Variants in RASGRP2 observed in about 807,000 individuals in gnomAD.
RASGRP2 encodes the protein RAS guanyl-releasing protein 2.
RASGRP2 carries 44 observed loss-of-function variants against 71.0 expected under a neutral mutation model. The observed-to-expected ratio is 0.62, with a 90% CI of 0.49 to 0.80. The LOEUF (loss-of-function observed/expected upper bound fraction) is 0.80, where lower values mean the gene tolerates loss of function less well. Among genes scored for constraint, RASGRP2 ranks in the 30% least tolerant of loss-of-function variants. The pLI is 0.00. For synonymous variants in RASGRP2, 350 were observed against 330.7 expected (o/e 1.06, Z -0.63); for missense variants, 663 against 813.4 (o/e 0.82, Z 2.25).
chr11:64,742,249 C>T lies in RASGRP2; in HGVS notation c.74-137G>A. ...GCCCACCTCCTGCTTGCCCAGGACT[C>T]CGAGAGCAGGAGGCAAATTAGAGAG... On this transcript the variant is annotated intron_variant, in intron 2 of 16. Transcript: ENST00000394432. This position sits in a 1 kb window ranked among gnomAD's most constrained non-coding sequence, Gnocchi z 4.7. 1 of 730,408 alleles carries T rather than the reference C, an allele frequency of 1.4e-6. No homozygotes were observed. Among genetic ancestry groups the T allele is most frequent in the Non-Finnish European group, 2.5e-6 (1 of 403,584 alleles). The allele number at this position is 730,408 out of a possible 1,614,324, so 45.2% of individuals were successfully genotyped here.
chr11:64,737,911 T>C (rs1425975516), intron 8 of RASGRP2, among the ~76,000 whole-genome samples: 3 of 151,462 alleles, frequency 2.0e-5, no homozygotes, highest in Non-Finnish European at 4.4e-5. Context: ...CCAGACGTGG[T>C]GGTACGAGCC....
chr11:64,729,787 G>C lies in RASGRP2; in HGVS notation c.1566C>G (p.Ile522Met). The C allele has an allele frequency of 6.2e-7, 1 of 1,614,178 alleles. No homozygotes were observed. ...CRHCKALILGIYKQGLKCRAC... is the reference protein window; with the variant it reads ...CRHCKALILGMYKQGLKCRAC... ...CTCGGCATTTGAGGCCCTGCTTGTA[G>C]ATGCCCAGGATCTGCAATAGAGGAG... Residue 522 changes from isoleucine (I) to methionine (M), a missense_variant, in exon 14 of 17, where the codon ATC (isoleucine) becomes ATG (methionine). By Grantham distance (10) the Ile-to-Met change is conservative (BLOSUM62 1). Transcript: ENST00000394432.
intron 9 of RASGRP2, 69 bp downstream of exon 9, chr11:64,736,684 A>G: frequency 6.6e-7 from 1 of 1,510,670 alleles, no homozygotes; most frequent in Non-Finnish European, 8.9e-7. Flanking sequence ...CCACGCCCAC[A>G]GCCAGGACCT....
chr11:64,740,663 G>A, intron 5 of RASGRP2: 1 of 650,702 alleles, frequency 1.5e-6, no homozygotes, highest in East Asian at 2.7e-5. Flanking sequence ...GGGATGATAT[G>A]AGCAGAGCAC....
intron 12 of RASGRP2, 77 bp from the exon 13 acceptor site, chr11:64,730,271 TTC>T: frequency 6.5e-7 from 1 of 1,527,022 alleles, no homozygotes; most frequent in South Asian, 1.2e-5. Context: ...CATCCCACTG[TTC>T]CCAGTGTCCT....
chr11:64,735,059 C>G lies in RASGRP2; in HGVS notation c.1412+53G>C. ...TGCACACAAGAAACTGAAGCCCAGG[C>G]AGAAGTGGGCTGAGTTGCCTTCCCT... On this transcript the variant is annotated intron_variant, in intron 12 of 16. Transcript: ENST00000394432. This position sits in a 1 kb window ranked among gnomAD's most constrained non-coding sequence, Gnocchi z 4.2. The G allele has an allele frequency of 5.2e-6, 7 of 1,344,072 alleles. No homozygotes were observed. The highest frequency in any genetic ancestry group is 7.5e-6 in the Non-Finnish European group (7 of 933,754). The allele number at this position is 1,344,072 out of a possible 1,614,324, so 83.3% of individuals were successfully genotyped here.
chr11:64,741,890 A>T (rs1250629043), intron 3 of RASGRP2, 120 bp downstream of exon 3: 1 of 883,214 alleles, frequency 1.1e-6, no homozygotes, highest in Non-Finnish European at 1.9e-6. Context: ...ACGACGCCTG[A>T]GCTCTGGGAT....
intron 8 of RASGRP2, among the ~76,000 whole-genome samples, chr11:64,737,550 T>C (rs1565512039): frequency 6.6e-6 from 1 of 151,838 alleles, no homozygotes; most frequent in Non-Finnish European, 1.5e-5. Context: ...TGCATGCCTG[T>C]AGTCCCAGCT....
At position 64,739,822 on chromosome 11, in the gene RASGRP2, G is replaced by A. The variant is rs1429211561; in HGVS notation, c.523-13C>T. The A allele has an allele frequency of 3.1e-6, 5 of 1,613,486 alleles. No homozygotes were observed. The highest frequency in any genetic ancestry group is 3.3e-5 in the Admixed American group (2 of 60,018). On this transcript the variant is annotated splice_polypyrimidine_tract_variant and intron_variant, in intron 6 of 16. Transcript: ENST00000394432. The surrounding 1 kb of genome is among the most constrained non-coding windows in gnomAD (Gnocchi z 4.2). ...GATAGTCCTGAAACTGGGGGCATGA[G>A]GAGTGGCCTCAGCACCTTGCTGGCC...
chr11:64,727,506 ATTTTTTTTTT>A, intron 15 of RASGRP2, 146 bp from the exon 16 acceptor site: 1 of 322,900 alleles, frequency 3.1e-6, no homozygotes, highest in Non-Finnish European at 5.5e-6. Flanking sequence ...TCACAGCCCA[ATTTTTTTTTT>A]TTTTTTTTTT....
rs1360880248 is a variant in RASGRP2 at position 64,742,425 on chromosome 11, G to A, written c.74-313C>T. 7.1e-6 allele frequency: 4 copies of A among 562,078 alleles called. No homozygotes were observed. The highest frequency in any genetic ancestry group is 9.6e-6 in the Non-Finnish European group (3 of 312,528). The allele number at this position is 562,078 out of a possible 1,614,324, so 34.8% of individuals were successfully genotyped here. On this transcript the variant is annotated intron_variant, in intron 2 of 16. Transcript: ENST00000394432. This position sits in a 1 kb window ranked among gnomAD's most constrained non-coding sequence, Gnocchi z 4.7. ...TCCAGAGGTCATTTCCTGAGCGCTT[G>A]GGGGGAAGGGGCACCCCTTCACCAG...
At chr11:64,730,757 G>A (rs146355768) in intron 12 of RASGRP2, among the ~76,000 whole-genome samples, 2 of 152,308 alleles carry the variant, frequency 1.3e-5, no homozygotes, top group Non-Finnish European at 2.9e-5. Flanking sequence ...AGTTCAAATC[G>A]CAGCTCTACT....
At position 64,739,270 on chromosome 11, in the gene RASGRP2, G is replaced by A. The variant is rs555145569; in HGVS notation, c.813+90C>T. ...GCCTCCATTTCCATATCTATCAAATGAGGACAGCTGTGCCCAGCCCCCAGT... is the reference window on the plus strand; with the variant it reads ...GCCTCCATTTCCATATCTATCAAATAAGGACAGCTGTGCCCAGCCCCCAGT... On this transcript the variant is annotated intron_variant, in intron 8 of 16. Coordinates refer to ENST00000394432, the MANE Select transcript of RASGRP2 (RefSeq NM_001098671.2). The surrounding 1 kb of genome is among the most constrained non-coding windows in gnomAD (Gnocchi z 4.2). The A allele has an allele frequency of 1.4e-4, 142 of 992,760 alleles. No individual in the cohort carries two copies. The African/African-American group carries it at 2.1e-3, about 15-fold the overall frequency. The allele number at this position is 992,760 out of a possible 1,614,324, so 61.5% of individuals were successfully genotyped here.
At chr11:64,740,825 T>C (rs757172374) in intron 5 of RASGRP2, 123 bp downstream of exon 5, 3 of 1,315,354 alleles carry the variant, frequency 2.3e-6, no homozygotes, top group Non-Finnish European at 2.2e-6. Flanking sequence ...TAGGGAGCCA[T>C]GGAAGGTTTT....
upstream of RASGRP2, chr11:64,744,952 A>C (rs1592399719): frequency 3.1e-5 from 3 of 97,356 alleles, no homozygotes; most frequent in African/African-American, 1.2e-4. Flanking sequence ...CGCCACCCCC[A>C]CCGGGGGCTC....
Position 64,741,006 on chromosome 11 carries a change from C to G in RASGRP2, c.313G>C (p.Ala105Pro), listed in dbSNP as rs1334255712. The G allele has an allele frequency of 6.2e-7, 1 of 1,613,750 alleles. No individual in the cohort carries two copies. Among genetic ancestry groups the G allele is most frequent in the Non-Finnish European group, 8.5e-7 (1 of 1,180,012 alleles). ...CGGTTCCCTTCTTGGTCTAGCAGAG[C>G]CTTCAGCTCCTTGATCTGCTCAGCC... ...ELAEQIKELK[A>P]LLDQEGNRRH... Residue 105 changes from alanine to proline, a missense_variant, in exon 5 of 17, where the codon GCT (alanine) becomes CCT (proline). Physicochemically the swap from Ala to Pro is conservative, Grantham distance 27. Transcript: ENST00000394432.
intron 12 of RASGRP2, among the ~76,000 whole-genome samples, chr11:64,733,144 T>TA (rs2057815863): frequency 6.7e-6 from 1 of 149,346 alleles, no homozygotes; most frequent in Non-Finnish European, 1.5e-5. Context: ...AGAGGGTGAT[T>TA]AAAAAAAAGA....
Position 64,727,280 on chromosome 11 carries a change from C to A in RASGRP2, c.*6+16G>T, listed in dbSNP as rs748839933. On this transcript the variant is annotated intron_variant, in intron 16 of 16. Transcript: ENST00000394432. ...CCTCAGTGGGGAGCTCTGGTGCCAG[C>A]TGTGGGAGGACTCACCATCTATTAC... is the stretch of plus-strand genomic sequence containing the variant. The A allele has an allele frequency of 6.2e-7, 1 of 1,612,260 alleles. No individual in the cohort carries two copies. The highest frequency in any genetic ancestry group is 8.5e-7 in the Non-Finnish European group (1 of 1,178,410).
chr11:64,733,746 G>C (rs889338820), intron 12 of RASGRP2, among the ~76,000 whole-genome samples: 3 of 152,096 alleles, frequency 2.0e-5, no homozygotes, highest in African/African-American at 7.2e-5. Flanking sequence ...AAGAAGACTG[G>C]AAGAATCCAC....
Sources: gnomAD v4.1 joint callset for allele counts (sites outside exome capture counted in the v4.1 genomes callset) on GRCh38, gnomAD v4.1.1 for gene constraint, Gnocchi (gnomAD v3.1) non-coding constraint, MANE v1.5 for transcripts, NCBI Gene and HGNC (gene_info 2026-07-23, HGNC 2026-07-21) for gene names.